PLCD4: variants seen among roughly 807,000 people sequenced by gnomAD.
PLCD4 encodes phospholipase C delta 4, also known as 1-phosphatidylinositol 4,5-bisphosphate phosphodiesterase delta-4.
Under a neutral mutation model 90.2 loss-of-function variants are expected in PLCD4, and 63 were observed. The ratio of observed to expected loss-of-function variants is 0.70; its 90% confidence interval spans 0.57 to 0.86. PLCD4 has a LOEUF of 0.86. Among genes scored for constraint, PLCD4 ranks in the 40% least tolerant of loss-of-function variants. The pLI, the probability that PLCD4 is intolerant of heterozygous loss-of-function variation, is 0.00. For missense variants in PLCD4, 830 were observed against 956.3 expected, an observed-to-expected ratio of 0.87 and a Z score of 1.74; for synonymous variants, 294 against 356.5, an observed-to-expected ratio of 0.82 and a Z score of 1.97.
At chr2:218,625,864 G>C (rs1429733096) in intron 6 of PLCD4, among the ~76,000 whole-genome samples, 6 of 152,112 alleles carry the variant, frequency 3.9e-5, no homozygotes, top group Non-Finnish European at 5.9e-5. Context: ...AACCCGGGAG[G>C]CGGAGGTTGC....
At position 218,629,544 on chromosome 2, in the gene PLCD4, G is replaced by T; in HGVS notation, c.1000G>T (p.Val334Leu). The change falls in exon 8 of 16, where the codon GTG becomes TTG. Residue 334 changes from valine to leucine, a missense_variant. Transcript: ENST00000450993. ...GGCCCTGAAGCGGGGGTGCCGCTGC[G>T]TGGAGGTGGATGTATGGGATGGACC... The part of the protein sequence containing the change: ...IRALKRGCRC[V>L]EVDVWDGPSG... The T allele has an allele frequency of 1.2e-6, 2 of 1,613,810 alleles. No individual in the cohort carries two copies. The highest frequency in any genetic ancestry group is 1.7e-6 in the Non-Finnish European group (2 of 1,179,858).
chr2:218,616,094 A>G, intron 3 of PLCD4, 32 bp downstream of exon 3: 2 of 1,606,894 alleles, frequency 1.2e-6, no homozygotes, highest in Non-Finnish European at 1.7e-6. Context: ...GGGTGGATAC[A>G]TGGGTGGATA....
chr2:218,621,626 C>G lies in PLCD4; in HGVS notation c.540+27C>G, dbSNP rs369778322. 4.5e-5 allele frequency: 73 copies of G among 1,612,310 alleles called. 1 individual carries two copies. In the East Asian group the frequency reaches 1.6e-3, roughly 34 times the overall value. On this transcript the variant is annotated intron_variant, in intron 5 of 15. Coordinates refer to ENST00000450993, the MANE Select transcript of PLCD4 (RefSeq NM_032726.4). The stretch of plus-strand genomic sequence containing the variant: ...TGAGTCTGTGGGGAAGGATTTCCAG[C>G]GGCCAACCAGGCCACATTTTCATTT...
rs567658065 is a variant in PLCD4, at chr2:218,631,975, T to C, written c.1273-161T>C. Among the ~76,000 whole-genome samples the C allele has an allele frequency of 4.6e-5, 7 of 152,310 alleles. No homozygotes were observed. In the East Asian group the frequency reaches 1.3e-3, roughly 29 times the overall value. The stretch of plus-strand genomic sequence containing the variant: ...GATATTAAAAGTTTGCTTAACAATA[T>C]GGGAATTCCAATTGTATGTATCAAG... On this transcript the variant is annotated intron_variant, in intron 9 of 15. Coordinates refer to ENST00000450993, the MANE Select transcript of PLCD4 (RefSeq NM_032726.4).
chr2:218,630,517 G>A, intron 8 of PLCD4, 133 bp from the exon 9 acceptor site: 1 of 1,005,112 alleles, frequency 9.9e-7, no homozygotes, highest in Non-Finnish European at 1.5e-6. Flanking sequence ...TCCTATAATG[G>A]AGTTGGAAGA....
At chr2:218,632,365 G>A in intron 10 of PLCD4, 53 bp downstream of exon 10, 1 of 1,529,640 alleles carries the variant, frequency 6.5e-7, no homozygotes. Context: ...TATGCAAGCT[G>A]AAGGCCTGTT....
rs1180090118 is a variant in PLCD4 at position 218,625,144 on chromosome 2, AG to A, written c.772+2267del. Among the ~76,000 whole-genome samples, 42 of 149,718 alleles carry A rather than the reference AG, an allele frequency of 2.8e-4. 1 individual carries two copies. Among genetic ancestry groups the A allele is most frequent in the African/African-American group, 8.3e-4 (34 of 40,840 alleles). The stretch of plus-strand genomic sequence containing the variant: ...AAAAAAAAAAAAAAGAAAGAAAGAA[AG>A]AAAAAAGAAATAGGATCTTTTGTTA... On this transcript the variant is annotated intron_variant, in intron 6 of 15. Coordinates refer to ENST00000450993, the MANE Select transcript of PLCD4 (RefSeq NM_032726.4).
At chr2:218,620,893 C>CAAAA (rs34369545) in intron 4 of PLCD4, among the ~76,000 whole-genome samples, 5 of 61,892 alleles carry the variant, frequency 8.1e-5, no homozygotes, top group Admixed American at 2.2e-4. Flanking sequence ...GACTCTGTCT[C>CAAAA]AAAAAAAAAA....
chr2:218,618,518 T>C, intron 3 of PLCD4, 61 bp from the exon 4 acceptor site: 1 of 1,454,410 alleles, frequency 6.9e-7, no homozygotes, highest in South Asian at 1.2e-5. Flanking sequence ...CCTTCACTCT[T>C]AGCCCCTGCT....
chr2:218,624,417 T>C (rs1388129917), intron 6 of PLCD4, among the ~76,000 whole-genome samples: 1 of 151,928 alleles, frequency 6.6e-6, no homozygotes, highest in Non-Finnish European at 1.5e-5. Flanking sequence ...TTTGTTTGGG[T>C]GTTCAGAATA....
chr2:218,628,221 G>GA lies in PLCD4; in HGVS notation c.966dup (p.Tyr323IlefsTer21), dbSNP rs1200005208. The GA allele has an allele frequency of 6.2e-7, 1 of 1,613,838 alleles. No homozygotes were observed. The highest frequency in any genetic ancestry group is 8.5e-7 in the Non-Finnish European group (1 of 1,179,770). On this transcript the variant is annotated frameshift_variant, in exon 7 of 16. Transcript: ENST00000450993. LOFTEE classifies it high-confidence loss of function. ...CTTTGTGGCCAGAGCAGCGTCGAGG[G>GA]ATATATACGGTGCAGTGGTGGTAGA...
chr2:218,623,144 T>A (rs1692644931), intron 6 of PLCD4, among the ~76,000 whole-genome samples: 1 of 152,240 alleles, frequency 6.6e-6, no homozygotes, highest in African/African-American at 2.4e-5. Flanking sequence ...TATGCTCATG[T>A]TTCCTTTACT....
intron 14 of PLCD4, 75 bp downstream of exon 14, chr2:218,636,006 G>A (rs1417075466): frequency 6.2e-7 from 1 of 1,600,732 alleles, no homozygotes; most frequent in East Asian, 2.2e-5. Flanking sequence ...CTTCCATTAA[G>A]TATAGCATCT....
In PLCD4 at chr2:218,635,784, C is replaced by A; in HGVS notation, c.1897-12C>A. Reference sequence around the variant, plus strand: ...AGCAGGAACTTGTGAGATTCCAGAGCCCTGACTACAGGTGATCAGCGGTCA... The same window carrying A: ...AGCAGGAACTTGTGAGATTCCAGAGACCTGACTACAGGTGATCAGCGGTCA... On this transcript the variant is annotated splice_polypyrimidine_tract_variant and intron_variant, in intron 13 of 15. Transcript: ENST00000450993. 6.2e-7 allele frequency: 1 copy of A among 1,609,552 alleles called. No individual in the cohort carries two copies.
intron 3 of PLCD4, among the ~76,000 whole-genome samples, chr2:218,616,888 A>G (rs1418686005): frequency 9.6e-6 from 1 of 104,154 alleles, no homozygotes; most frequent in Non-Finnish European, 2.0e-5. Context: ...AATGAATGTT[A>G]GCCATTATTT....
intron 6 of PLCD4, among the ~76,000 whole-genome samples, 189 bp downstream of exon 6, chr2:218,623,067 A>C (rs573980698): frequency 6.6e-6 from 1 of 152,332 alleles, no homozygotes; most frequent in South Asian, 2.1e-4. Context: ...CAGACAAGAC[A>C]GGGGTTTCCT....
At position 218,636,516 on chromosome 2, in the gene PLCD4, G is replaced by A. The variant is rs1442898555; in HGVS notation, c.2228G>A (p.Arg743His). Residue 743 changes from arginine to histidine, a missense_variant, in exon 16 of 16, where the codon CGC becomes CAC. Arg to His is a conservative substitution (Grantham distance 29). Transcript: ENST00000450993. ...CTGTCCAAAGATGGCATCAGCCTCC[G>A]CCCAGCTTCCATCTTTGTGTATATC... ...HLLSKDGISLRPASIFVYICI... is the reference protein window; with the variant it reads ...HLLSKDGISLHPASIFVYICI... The A allele has an allele frequency of 1.9e-6, 3 of 1,613,916 alleles. No individual in the cohort carries two copies. The highest frequency in any genetic ancestry group is 1.7e-5 in the Admixed American group (1 of 60,010).
chr2:218,611,634 C>T (rs940697090), intron 1 of PLCD4, among the ~76,000 whole-genome samples: 3 of 152,050 alleles, frequency 2.0e-5, no homozygotes, highest in Non-Finnish European at 2.9e-5. Flanking sequence ...AGTCTCACTC[C>T]GTCACCCAGG....
chr2:218,632,412 G>C, intron 10 of PLCD4, 100 bp downstream of exon 10: 1 of 1,214,944 alleles, frequency 8.2e-7, no homozygotes, highest in Non-Finnish European at 1.1e-6. Context: ...CAGGGCCAAG[G>C]AGCAATGACC....
Sources: gnomAD v4.1 joint callset for allele counts (sites outside exome capture counted in the v4.1 genomes callset) on GRCh38, gnomAD v4.1.1 for gene constraint, MANE v1.5 for transcripts, NCBI Gene and HGNC (gene_info 2026-07-23, HGNC 2026-07-21) for gene names.